Variants in SEMA3G observed in about 807,000 individuals in gnomAD.
SEMA3G encodes semaphorin 3G.
SEMA3G carries 70 observed loss-of-function variants against 86.2 expected under a neutral mutation model. The observed-to-expected ratio is 0.81, with a 90% CI of 0.67 to 0.99. SEMA3G has a LOEUF of 0.99. Among genes scored for constraint, SEMA3G ranks in the 50% least tolerant of loss-of-function variants. SEMA3G has a pLI of 0.00. For synonymous variants in SEMA3G, 416 were observed against 441.4 expected, an observed-to-expected ratio of 0.94 and a Z score of 0.72; for missense variants, 1,002 against 1,072.4, an observed-to-expected ratio of 0.93 and a Z score of 0.92.
At chr3:52,438,858 G>A in intron 13 of SEMA3G, 62 bp downstream of exon 13, 1 of 1,603,344 alleles carries the variant, frequency 6.2e-7, no homozygotes, top group Middle Eastern at 1.7e-4. Flanking sequence ...CAGGGGCAGA[G>A]GAGGAGGCTG....
chr3:52,437,447 TG>T, intron 15 of SEMA3G, 79 bp downstream of exon 15: 1 of 1,423,576 alleles, frequency 7.0e-7, no homozygotes. Flanking sequence ...AACCCCTTTC[TG>T]GGGCTCAGGT....
Position 52,440,007 on chromosome 3 carries a change from G to T in SEMA3G, c.1235C>A (p.Pro412His). ...AGGCCGCACAGGCCAGAACATGAGGGGGTGGGCTCGGGCAAACTGCAGCAC... is the reference window on the plus strand; with the variant it reads ...AGGCCGCACAGGCCAGAACATGAGGTGGTGGGCTCGGGCAAACTGCAGCAC... ...DEVLQFARAHPLMFWPVRPRH... is the reference protein window; with the variant it reads ...DEVLQFARAHHLMFWPVRPRH... The change falls in exon 11 of 16, where the codon CCC (proline) becomes CAC (histidine). Residue 412 changes from proline to histidine, a missense_variant. Transcript: ENST00000231721. The T allele has an allele frequency of 6.2e-7, 1 of 1,612,570 alleles. No individual in the cohort carries two copies. Among genetic ancestry groups the T allele is most frequent in the Non-Finnish European group, 8.5e-7 (1 of 1,179,122 alleles).
In SEMA3G at chr3:52,435,558, A is replaced by C; in HGVS notation, c.*45T>G. 1.3e-6 allele frequency: 2 copies of C among 1,533,226 alleles called. No homozygotes were observed. Among genetic ancestry groups the C allele is most frequent in the Non-Finnish European group, 1.8e-6 (2 of 1,126,388 alleles). 95.0% of individuals were successfully genotyped at this position (1,533,226 alleles called of 1,614,324 possible). A position where few individuals can be genotyped will look rare whatever the true frequency, so the allele number is the denominator to read the frequency against. On this transcript the variant is annotated 3_prime_UTR_variant, in exon 16 of 16. Transcript: ENST00000231721. ...TGGGTGGGAGATGCTGGGGGCTGCT[A>C]GTGGGCCCCCCAGCCCATCCTGACC...
At chr3:52,439,045 G>A in intron 12 of SEMA3G, 84 bp from the exon 13 acceptor site, 1 of 1,482,672 alleles carries the variant, frequency 6.7e-7, no homozygotes, top group Non-Finnish European at 9.3e-7. Flanking sequence ...CTCCAACCCT[G>A]GGGTGGGAAC....
chr3:52,439,093 G>T, intron 12 of SEMA3G, 132 bp from the exon 13 acceptor site: 1 of 916,758 alleles, frequency 1.1e-6, no homozygotes, highest in Non-Finnish European at 1.7e-6. Context: ...CTCCCTGGCA[G>T]CTAAGGCTAG....
rs1414779054 is a variant in SEMA3G, at chr3:52,441,264, C to T, written c.813G>A (p.Val271=). Residue 271 remains valine, a splice_region_variant and synonymous_variant, in exon 7 of 16, where the codon GTG becomes GTA. Transcript: ENST00000231721. ...VTVSRVGRVC[V]NDAGGQRVLV... ...CTCACCACCCCTTCCCAGCTCTTAC[C>T]ACGCAGACGCGGCCCACGCGGCTGA... 4 of 1,612,574 alleles carry T rather than the reference C, an allele frequency of 2.5e-6. No homozygotes were observed. The highest frequency in any genetic ancestry group is 3.4e-6 in the Non-Finnish European group (4 of 1,179,462).
In SEMA3G at chr3:52,437,678, C is replaced by T. The variant is rs780093341; in HGVS notation, c.1739-12G>A. 2.5e-6 allele frequency: 4 copies of T among 1,605,602 alleles called. No homozygotes were observed. The highest frequency in any genetic ancestry group is 1.7e-5 in the Admixed American group (1 of 59,698). ...TCCCACTGCCTCTTCTGGAGAGAGGCAGAGGTTGGCTCAGCTTGGGAACTA... is the reference window on the plus strand; with the variant it reads ...TCCCACTGCCTCTTCTGGAGAGAGGTAGAGGTTGGCTCAGCTTGGGAACTA... On this transcript the variant is annotated splice_polypyrimidine_tract_variant and intron_variant, in intron 14 of 15. Coordinates refer to ENST00000231721, the MANE Select transcript of SEMA3G (RefSeq NM_020163.3).
chr3:52,440,934 C>A lies in SEMA3G; in HGVS notation c.928G>T (p.Glu310Ter), dbSNP rs1415848876. Residue 310 changes from glutamate to a stop codon, truncating the protein, a stop_gained and splice_region_variant, in exon 8 of 16, where the codon GAG (glutamate) becomes TAG (stop). Transcript: ENST00000231721. LOFTEE classifies it high-confidence loss of function. ...TAGGCCTGCTTGGCCAGGCCCTCAC[C>A]TAGCTGGTCAAAGTGGGTCTCGGCA... ...GGAETHFDQL[E>*]DVFLLWPKAG... The A allele has an allele frequency of 6.2e-7, 1 of 1,603,774 alleles. No homozygotes were observed. The highest frequency in any genetic ancestry group is 1.3e-5 in the African/African-American group (1 of 74,868).
rs758433569 is a variant in SEMA3G, at chr3:52,442,643, C to G, written c.277-22G>C. ...GGACCTGGAACACAGCCCCGCTGAC[C>G]TCAGGTCCTCCCCTGATCTCACAGG... On this transcript the variant is annotated intron_variant, in intron 2 of 15. Transcript: ENST00000231721. The surrounding 1 kb of genome is among the most constrained non-coding windows in gnomAD (Gnocchi z 6.1). 26 of 1,614,102 alleles carry G rather than the reference C, an allele frequency of 1.6e-5. No individual in the cohort carries two copies. Among genetic ancestry groups the G allele is most frequent in the Non-Finnish European group, 2.0e-5 (24 of 1,179,976 alleles).
rs1389453192 is a variant in SEMA3G, at chr3:52,434,064, A to C, written c.*1539T>G. 2 of 152,096 alleles carry C rather than the reference A, an allele frequency of 1.3e-5. No homozygotes were observed. The highest frequency in any genetic ancestry group is 2.4e-5 in the African/African-American group (1 of 41,392). 9.4% of individuals were successfully genotyped at this position (152,096 alleles called of 1,614,324 possible). The stretch of plus-strand genomic sequence containing the variant: ...TAAAACCCAAGGCAGTCTGGGTTTG[A>C]GTTTCAATAGGGCAGGGAACCCTGG... On this transcript the variant is annotated 3_prime_UTR_variant, in exon 16 of 16. Transcript: ENST00000231721. This position sits in a 1 kb window ranked among gnomAD's most constrained non-coding sequence, Gnocchi z 5.2.
At position 52,439,993 on chromosome 3, in the gene SEMA3G, G is replaced by A. The variant is rs376013732; in HGVS notation, c.1249C>T (p.Pro417Ser). 1.6e-5 allele frequency: 26 copies of A among 1,613,418 alleles called. No individual in the cohort carries two copies. The highest frequency in any genetic ancestry group is 2.0e-5 in the Non-Finnish European group (24 of 1,179,834). The change falls in exon 11 of 16, where the codon CCT becomes TCT. Residue 417 changes from proline to serine, a missense_variant. Pro to Ser is a moderately conservative substitution (Grantham distance 74). Transcript: ENST00000231721. Reference protein sequence around the residue: ...FARAHPLMFWPVRPRHGRPVL... With the variant: ...FARAHPLMFWSVRPRHGRPVL... ...GGGCGGCCATGTCGAGGCCGCACAG[G>A]CCAGAACATGAGGGGGTGGGCTCGG...
chr3:52,436,191 T>G, intron 15 of SEMA3G, 118 bp from the exon 16 acceptor site: 1 of 1,445,884 alleles, frequency 6.9e-7, no homozygotes, highest in Non-Finnish European at 9.1e-7. Flanking sequence ...CTTGCCCTAT[T>G]CTCCCCTTCC....
At chr3:52,441,483 A>G (rs1014740673) in intron 6 of SEMA3G, 74 bp from the exon 7 acceptor site, 2 of 1,587,840 alleles carry the variant, frequency 1.3e-6, no homozygotes, top group African/African-American at 2.7e-5. Context: ...CAGTGGGGAG[A>G]GGAATGGGGC....
Position 52,438,088 on chromosome 3 carries a change from C to G in SEMA3G, c.1621G>C (p.Ala541Pro), listed in dbSNP as rs1238333531. 1 of 1,613,150 alleles carries G rather than the reference C, an allele frequency of 6.2e-7. No homozygotes were observed. Among genetic ancestry groups the G allele is most frequent in the Non-Finnish European group, 8.5e-7 (1 of 1,180,030 alleles). The change falls in exon 14 of 16, where the codon GCC (alanine) becomes CCC (proline). Residue 541 changes from alanine (A) to proline (P), a missense_variant. Coordinates refer to ENST00000231721, the MANE Select transcript of SEMA3G (RefSeq NM_020163.3). ...ECCLARDPYC[A>P]WDGASCTHYR... ...TGGGTACAGGAGGCACCATCCCAGG[C>G]ACAGTATGGGTCCCGGGCCAGGCAG...
rs1199182876 is a variant in SEMA3G, at chr3:52,436,090, A to T, written c.1879-17T>A. The T allele has an allele frequency of 6.3e-7, 1 of 1,595,456 alleles. No homozygotes were observed. On this transcript the variant is annotated splice_polypyrimidine_tract_variant and intron_variant, in intron 15 of 15. Transcript: ENST00000231721. Reference sequence around the variant, plus strand: ...CGTCTTCACCTGCCATGCGGGCGGGAGGGCGTGAGTAGGGTGCAAGGTGGG... The same window carrying T: ...CGTCTTCACCTGCCATGCGGGCGGGTGGGCGTGAGTAGGGTGCAAGGTGGG...
intron 9 of SEMA3G, 86 bp downstream of exon 9, chr3:52,440,664 AAGAG>A: frequency 2.7e-6 from 4 of 1,479,570 alleles, no homozygotes; most frequent in Non-Finnish European, 3.7e-6. Context: ...GGCAAAGGCA[AAGAG>A]AGAGTCAGAG....
rs1706035160 is a variant in SEMA3G, at chr3:52,435,760, C to T, written c.2192G>A (p.Cys731Tyr). ...RVDEYCERVW[C>Y]RGTTECSGCF... ...GCCTGAGCATTCCGTGGTGCCCCTG[C>T]ACCACACGCGCTCACAGTACTCATC... Residue 731 changes from cysteine (C) to tyrosine (Y), a missense_variant, in exon 16 of 16, where the codon TGC (cysteine) becomes TAC (tyrosine). Physicochemically the swap from Cys to Tyr is radical, Grantham distance 194 (BLOSUM62 -2). Transcript: ENST00000231721. 6.2e-7 allele frequency: 1 copy of T among 1,614,118 alleles called. No homozygotes were observed. The highest frequency in any genetic ancestry group is 1.7e-5 in the Admixed American group (1 of 60,032).
chr3:52,437,877 A>C, intron 14 of SEMA3G, 94 bp downstream of exon 14: 1 of 1,247,714 alleles, frequency 8.0e-7, no homozygotes, highest in East Asian at 2.5e-5. Context: ...CCGTCATGAC[A>C]AGACCAATCT....
chr3:52,435,328 C>T lies in SEMA3G; in HGVS notation c.*275G>A. The T allele has an allele frequency of 2.0e-6, 1 of 512,330 alleles. No individual in the cohort carries two copies. Among genetic ancestry groups the T allele is most frequent in the Non-Finnish European group, 3.5e-6 (1 of 285,918 alleles). The allele number at this position is 512,330 out of a possible 1,614,324, so 31.7% of individuals were successfully genotyped here. ...CCGGAAATGTGTTGCGGAAGCCAGGCCATCTCTGAGAACAAATGGCAGATC... is the reference window on the plus strand; with the variant it reads ...CCGGAAATGTGTTGCGGAAGCCAGGTCATCTCTGAGAACAAATGGCAGATC... On this transcript the variant is annotated 3_prime_UTR_variant, in exon 16 of 16. Coordinates refer to ENST00000231721, the MANE Select transcript of SEMA3G (RefSeq NM_020163.3).
Sources: gnomAD v4.1 joint callset for allele counts on GRCh38, gnomAD v4.1.1 for gene constraint, Gnocchi (gnomAD v3.1) non-coding constraint, MANE v1.5 for transcripts, NCBI Gene and HGNC (gene_info 2026-07-23, HGNC 2026-07-21) for gene names.